Variants in PDE9A observed in about 807,000 individuals in gnomAD.
PDE9A encodes high affinity cGMP-specific 3',5'-cyclic phosphodiesterase 9A.
A neutral mutation model predicts 87.4 loss-of-function variants in PDE9A; 60 were observed. That is an observed-to-expected ratio of 0.69 (90% CI 0.56 to 0.85). PDE9A has a LOEUF of 0.85. PDE9A is among the 40% of genes least tolerant of loss of function. The pLI is 0.00. For missense variants in PDE9A, 665 were observed against 779.0 expected (o/e 0.85, Z 1.74); for synonymous variants, 272 against 279.4 (o/e 0.97, Z 0.27).
intron 15 of PDE9A, among the ~76,000 whole-genome samples, chr21:42,766,468 G>A (rs560298182): frequency 5.9e-5 from 9 of 152,186 alleles, no homozygotes; most frequent in Non-Finnish European, 1.0e-4. Context: ...AAAATCAATA[G>A]CATCACTTTC....
chr21:42,660,646 A>G lies in PDE9A; in HGVS notation c.69+6763A>G, dbSNP rs1020648603. 1.3e-5 allele frequency among the ~76,000 whole-genome samples: 2 copies of G among 151,868 alleles called. No homozygotes were observed. On this transcript the variant is annotated intron_variant, in intron 1 of 19. Transcript: ENST00000291539. The surrounding 1 kb of genome is among the most constrained non-coding windows in gnomAD (Gnocchi z 4.7). ...GAATTAAAAAAAAAAAAAAAGATTA[A>G]AATGGTTAAAAATAGAAAGTGCACA... is the stretch of plus-strand genomic sequence containing the variant.
intron 8 of PDE9A, among the ~76,000 whole-genome samples, chr21:42,750,810 C>G (rs2054342659): frequency 1.3e-5 from 2 of 152,108 alleles, no homozygotes; most frequent in African/African-American, 2.4e-5. Flanking sequence ...TGGTCTCGAT[C>G]TCCTGACCTC....
Position 42,731,872 on chromosome 21 carries a change from C to A in PDE9A, c.365C>A (p.Ala122Glu), listed in dbSNP as rs1444637776. The change falls in exon 5 of 20, where the codon GCA (alanine) becomes GAA (glutamate). Residue 122 changes from alanine (A) to glutamate (E), a missense_variant. Coordinates refer to ENST00000291539, the MANE Select transcript of PDE9A (RefSeq NM_002606.3). ...VGLEQPRREG[A>E]FESGQVEPRP... ...CTGGAGCAGCCCCGGAGGGAAGGAG[C>A]ATTTGAAAGTGGACAGGTAGAGCCC... The A allele has an allele frequency of 2.5e-6, 4 of 1,614,184 alleles. No homozygotes were observed. In the Admixed American group the frequency reaches 6.7e-5, roughly 27 times the overall value.
intron 4 of PDE9A, among the ~76,000 whole-genome samples, chr21:42,725,954 C>T (rs1028880368): frequency 2.6e-5 from 4 of 152,194 alleles, no homozygotes; most frequent in Admixed American, 6.5e-5. Flanking sequence ...CCACCAGCCA[C>T]GAGTGAGTGA....
chr21:42,745,927 G>A (rs2053800607), intron 8 of PDE9A, among the ~76,000 whole-genome samples: 1 of 152,222 alleles, frequency 6.6e-6, no homozygotes, highest in South Asian at 2.1e-4. Flanking sequence ...GAACTCCACC[G>A]CCCCAAGGGG....
intron 10 of PDE9A, among the ~76,000 whole-genome samples, chr21:42,754,293 G>A (rs1277771129): frequency 6.6e-6 from 1 of 152,212 alleles, no homozygotes; most frequent in Non-Finnish European, 1.5e-5. Context: ...GAGTGGGGGA[G>A]ACGGCTGTCA....
chr21:42,670,347 TACAC>T (rs377130654), intron 1 of PDE9A, among the ~76,000 whole-genome samples: 1 of 103,216 alleles, frequency 9.7e-6, no homozygotes, highest in African/African-American at 6.0e-5. Flanking sequence ...CACATACATT[TACAC>T]ACACATCCAC....
At chr21:42,769,448 GCA>G (rs771329725) in intron 17 of PDE9A, among the ~76,000 whole-genome samples, 14 of 125,706 alleles carry the variant, frequency 1.1e-4, no homozygotes, top group East Asian at 5.0e-4. Flanking sequence ...ATGTACACAG[GCA>G]CACACAGGCA....
At position 42,732,135 on chromosome 21, in the gene PDE9A, T is replaced by C. The variant is rs748149094; in HGVS notation, c.497+11T>C. 2.5e-6 allele frequency: 4 copies of C among 1,612,420 alleles called. No individual in the cohort carries two copies. The highest frequency in any genetic ancestry group is 1.7e-5 in the Admixed American group (1 of 59,992). ...AGAGCAGTTCTCAAGGTACAGAGTC[T>C]TCTAAACTTACAACCAGCCAGAGAT... is the stretch of plus-strand genomic sequence containing the variant. On this transcript the variant is annotated intron_variant, in intron 6 of 19. Transcript: ENST00000291539.
At chr21:42,733,668 A>G (rs1345140027) in intron 7 of PDE9A, 10 of 532,338 alleles carry the variant, frequency 1.9e-5, no homozygotes, top group Non-Finnish European at 3.4e-5. Context: ...AGCCCCAAAG[A>G]ATAAAAATGA....
intron 8 of PDE9A, among the ~76,000 whole-genome samples, chr21:42,747,188 G>A (rs560436734): frequency 6.6e-6 from 1 of 152,130 alleles, no homozygotes; most frequent in Non-Finnish European, 1.5e-5. Flanking sequence ...TGTCCCTTTT[G>A]TCTTTGTCAA....
intron 7 of PDE9A, among the ~76,000 whole-genome samples, chr21:42,742,457 C>CTTTTTT (rs60925435): frequency 5.6e-5 from 4 of 71,524 alleles, no homozygotes; most frequent in East Asian, 5.5e-4. Context: ...AAGCTGTCTG[C>CTTTTTT]TTTTTTTTTT....
chr21:42,678,534 G>A (rs1416028674), intron 1 of PDE9A, among the ~76,000 whole-genome samples: 1 of 152,204 alleles, frequency 6.6e-6, no homozygotes, highest in African/African-American at 2.4e-5. Context: ...TGGCTCCTTG[G>A]ACAACCACCT....
At chr21:42,738,651 A>T (rs570986848) in intron 7 of PDE9A, among the ~76,000 whole-genome samples, 1 of 152,288 alleles carries the variant, frequency 6.6e-6, no homozygotes, top group African/African-American at 2.4e-5. Context: ...TGTGACTTGT[A>T]GAAGCTCACA....
At chr21:42,772,867 C>G (rs1435530938) in intron 19 of PDE9A, among the ~76,000 whole-genome samples, 1 of 151,136 alleles carries the variant, frequency 6.6e-6, no homozygotes, top group Non-Finnish European at 1.5e-5. Flanking sequence ...CTCCTGACCT[C>G]AGGTGATCCA....
rs536315962 is a variant in PDE9A at position 42,773,931 on chromosome 21, T to G, written c.1769-1349T>G. ...CATCCTGGCTAACACGGTGAAACCC[T>G]TCTCTACTAAAAATACAAAAAAAAT... On this transcript the variant is annotated intron_variant, in intron 19 of 19. Transcript: ENST00000291539. Among the ~76,000 whole-genome samples, 1,005 of 147,342 alleles carry G rather than the reference T, an allele frequency of 6.8e-3. 11 individuals are homozygous for G. Among genetic ancestry groups the G allele is most frequent in the African/African-American group, 0.02 (789 of 39,926 alleles).
At chr21:42,673,043 C>T (rs1196224675) in intron 1 of PDE9A, among the ~76,000 whole-genome samples, 5 of 152,202 alleles carry the variant, frequency 3.3e-5, no homozygotes, top group African/African-American at 9.7e-5. Flanking sequence ...CCTGTAATCA[C>T]GGCTGCCACT....
chr21:42,760,606 G>A lies in PDE9A; in HGVS notation c.1002+174G>A, dbSNP rs968337147. The stretch of plus-strand genomic sequence containing the variant: ...CACCGTTGTCAGTCACCCCATGGGC[G>A]AGGCTGCTCCTAGGATTACGAGAGC... On this transcript the variant is annotated intron_variant, in intron 12 of 19. Transcript: ENST00000291539. The surrounding 1 kb of genome is among the most constrained non-coding windows in gnomAD (Gnocchi z 5.2). Among the ~76,000 whole-genome samples the A allele has an allele frequency of 5.3e-5, 8 of 151,876 alleles. No individual in the cohort carries two copies. Among genetic ancestry groups the A allele is most frequent in the East Asian group, 1.9e-4 (1 of 5,152 alleles).
rs906454402 is a variant in PDE9A, at chr21:42,702,456, T to G, written c.262+3445T>G. Among the ~76,000 whole-genome samples the G allele has an allele frequency of 1.8e-4, 27 of 152,226 alleles. No homozygotes were observed. The highest frequency in any genetic ancestry group is 3.8e-4 in the Non-Finnish European group (26 of 68,034). The stretch of plus-strand genomic sequence containing the variant: ...TCCTCCTCTCTGCCATATCCGAGTC[T>G]GTCTCTGTTGATTGATTTATCTCCT... On this transcript the variant is annotated intron_variant, in intron 4 of 19. Coordinates refer to ENST00000291539, the MANE Select transcript of PDE9A (RefSeq NM_002606.3). The surrounding 1 kb of genome is among the most constrained non-coding windows in gnomAD (Gnocchi z 4.9).
Sources: gnomAD v4.1 joint callset for allele counts (sites outside exome capture counted in the v4.1 genomes callset) on GRCh38, gnomAD v4.1.1 for gene constraint, Gnocchi (gnomAD v3.1) non-coding constraint, MANE v1.5 for transcripts, NCBI Gene and HGNC (gene_info 2026-07-23, HGNC 2026-07-21) for gene names.